Variants in CD3E observed in about 807,000 individuals in gnomAD.
The protein encoded by CD3E is T-cell surface glycoprotein CD3 epsilon chain.
In CD3E, 16 loss-of-function variants were observed where a neutral mutation model predicts 34.7. The ratio of observed to expected loss-of-function variants is 0.46; its 90% CI spans 0.31 to 0.70. The LOEUF (loss-of-function observed/expected upper bound fraction) is 0.70, where lower values mean the gene tolerates loss of function less well. CD3E is among the 30% of genes least tolerant of loss of function. CD3E has a pLI of 0.05. For missense variants in CD3E, 223 were observed against 253.9 expected (o/e 0.88, Z 0.83); for synonymous variants, 70 against 90.8 (o/e 0.77, Z 1.30).
intron 6 of CD3E, 37 bp downstream of exon 6, chr11:118,312,903 T>C (rs1372494395): frequency 1.9e-6 from 3 of 1,613,396 alleles, no homozygotes; most frequent in Non-Finnish European, 2.5e-6. Context: ...CACCGGCTCT[T>C]TAGGGAGGAC....
intron 4 of CD3E, among the ~76,000 whole-genome samples, chr11:118,309,648 G>C (rs1290256826): frequency 6.6e-6 from 1 of 152,218 alleles, no homozygotes; most frequent in Non-Finnish European, 1.5e-5. Flanking sequence ...GCTGACTATA[G>C]ATGATAAGCA....
rs1948139036 is a variant in CD3E, at chr11:118,312,166, G to C, written c.99G>C (p.Gln33His). Residue 33 changes from glutamine to histidine, a missense_variant, in exon 5 of 9, where the codon CAG becomes CAC. Physicochemically the swap from Gln to His is conservative, Grantham distance 24. Transcript: ENST00000361763. Reference sequence around the variant, plus strand: ...TTTCATTTTCAGGTGGTATTACACAGACACGTGAGTTTATTGGTCTTTTAT... The same window carrying C: ...TTTCATTTTCAGGTGGTATTACACACACACGTGAGTTTATTGGTCTTTTAT... The part of the protein sequence containing the change: ...DGNEEMGGIT[Q>H]TPYKVSISGT... The C allele has an allele frequency of 1.2e-6, 2 of 1,611,932 alleles. No homozygotes were observed. The highest frequency in any genetic ancestry group is 3.3e-5 in the Admixed American group (2 of 60,008).
chr11:118,314,308 G>T, intron 7 of CD3E, 140 bp from the exon 8 acceptor site: 1 of 725,888 alleles, frequency 1.4e-6, no homozygotes. Flanking sequence ...AAAAGAGAAA[G>T]GACGTCTGAA....
chr11:118,308,355 C>T, intron 3 of CD3E, 72 bp from the exon 4 acceptor site: 1 of 1,150,514 alleles, frequency 8.7e-7, no homozygotes, highest in Admixed American at 1.8e-5. Flanking sequence ...GAGTCCCAAC[C>T]CACGGGAGCA....
At chr11:118,311,972 A>G (rs745628148) in intron 4 of CD3E, among the ~76,000 whole-genome samples, 181 bp from the exon 5 acceptor site, 1 of 152,180 alleles carries the variant, frequency 6.6e-6, no homozygotes, top group Admixed American at 6.5e-5. Context: ...AAATATATCT[A>G]TGAGCTAAAT....
chr11:118,310,446 G>A (rs1948129719), intron 4 of CD3E, among the ~76,000 whole-genome samples: 1 of 152,212 alleles, frequency 6.6e-6, no homozygotes, highest in African/African-American at 2.4e-5. Context: ...TCCTGCAAAG[G>A]ACGTGATCTC....
chr11:118,315,653 C>A lies in CD3E; in HGVS notation c.*111C>A. The A allele has an allele frequency of 2.0e-6, 2 of 976,812 alleles. No homozygotes were observed. Among genetic ancestry groups the A allele is most frequent in the Admixed American group, 2.0e-5 (1 of 50,274 alleles). 60.5% of individuals were successfully genotyped at this position (976,812 alleles called of 1,614,324 possible). On this transcript the variant is annotated 3_prime_UTR_variant, in exon 9 of 9. Coordinates refer to ENST00000361763, the MANE Select transcript of CD3E (RefSeq NM_000733.4). Reference sequence around the variant, plus strand: ...CCCACGAGAGAGAATCGTTCCTCAGCCTCATGGTGAACTCGCGCCCTCCAG... The same window carrying A: ...CCCACGAGAGAGAATCGTTCCTCAGACTCATGGTGAACTCGCGCCCTCCAG...
intron 2 of CD3E, among the ~76,000 whole-genome samples, chr11:118,306,486 GATAAATAAATAAATAAATAAATAAATAA>G (rs141298357): frequency 6.9e-6 from 1 of 145,396 alleles, no homozygotes; most frequent in East Asian, 2.0e-4. Context: ...TCTCAAAATA[GATAAATAAATAAATAAATAAATAAATAA>G]ATAAATAAAT....
In CD3E at chr11:118,315,968, T is replaced by C. The variant is rs908233065; in HGVS notation, c.*426T>C. On this transcript the variant is annotated 3_prime_UTR_variant, in exon 9 of 9. Transcript: ENST00000361763. ...TCTCTGGGGATGGACTGGGTAAATG[T>C]TGACAGAGGCCCTGCCCCGTTCACA... The C allele has an allele frequency of 1.4e-5, 4 of 293,842 alleles. No homozygotes were observed. Among genetic ancestry groups the C allele is most frequent in the African/African-American group, 6.6e-5 (3 of 45,668 alleles). The allele number at this position is 293,842 out of a possible 1,614,324, so 18.2% of individuals were successfully genotyped here. A position where few individuals can be genotyped will look rare whatever the true frequency, so the allele number is the denominator to read the frequency against.
chr11:118,308,312 G>A, intron 3 of CD3E, 115 bp from the exon 4 acceptor site: 1 of 769,646 alleles, frequency 1.3e-6, no homozygotes, highest in Non-Finnish European at 2.3e-6. Context: ...TGAGGGAATT[G>A]GAAGATCCAT....
chr11:118,312,331 G>A, intron 5 of CD3E, 161 bp downstream of exon 5: 1 of 823,500 alleles, frequency 1.2e-6, no homozygotes, highest in Non-Finnish European at 2.1e-6. Context: ...GACTTCTGTG[G>A]GTTTTTCTTT....
intron 8 of CD3E, among the ~76,000 whole-genome samples, chr11:118,314,989 ACACACACACACG>A (rs1948158299): frequency 1.5e-5 from 2 of 129,358 alleles, no homozygotes; most frequent in Non-Finnish European, 3.5e-5. Context: ...ACACACACAC[ACACACACACACG>A]TGACCAGACA....
intron 5 of CD3E, 149 bp from the exon 6 acceptor site, chr11:118,312,469 C>A: frequency 1.1e-6 from 1 of 918,736 alleles, no homozygotes; most frequent in Non-Finnish European, 1.8e-6. Flanking sequence ...TCTTCCACAC[C>A]CTCTAGCCAG....
At position 118,315,579 on chromosome 11, in the gene CD3E, T is replaced by A. The variant is rs905152901; in HGVS notation, c.*37T>A. The A allele has an allele frequency of 6.6e-7, 1 of 1,524,360 alleles. No homozygotes were observed. Among genetic ancestry groups the A allele is most frequent in the African/African-American group, 1.4e-5 (1 of 72,984 alleles). The allele number at this position is 1,524,360 out of a possible 1,614,324, so 94.4% of individuals were successfully genotyped here. On this transcript the variant is annotated 3_prime_UTR_variant, in exon 9 of 9. Transcript: ENST00000361763. ...ACACTGCCTCCCGCTGGCCCAGGTC[T>A]CCTCTCCAGTCCCCCTGCGACTCCC... is the stretch of plus-strand genomic sequence containing the variant.
intron 4 of CD3E, among the ~76,000 whole-genome samples, chr11:118,310,282 T>C (rs1359593822): frequency 6.6e-6 from 1 of 152,154 alleles, no homozygotes; most frequent in Non-Finnish European, 1.5e-5. Context: ...CCTCCCACCC[T>C]CCACCTTCTG....
intron 6 of CD3E, 104 bp from the exon 7 acceptor site, chr11:118,313,603 G>C: frequency 9.4e-7 from 1 of 1,065,500 alleles, no homozygotes; most frequent in Admixed American, 1.8e-5. Flanking sequence ...GCAAGCGTGT[G>C]AGTAGTAAGG....
At chr11:118,314,162 G>T (rs1158732735) in intron 7 of CD3E, among the ~76,000 whole-genome samples, 1 of 152,188 alleles carries the variant, frequency 6.6e-6, no homozygotes, top group Non-Finnish European at 1.5e-5. Context: ...TGTGGGAAGA[G>T]AGACTTTGAT....
intron 4 of CD3E, among the ~76,000 whole-genome samples, chr11:118,311,255 T>A (rs1948134085): frequency 6.6e-6 from 1 of 152,202 alleles, no homozygotes; most frequent in Admixed American, 6.5e-5. Context: ...CTCTTCCAGC[T>A]GTTATGTCCA....
At chr11:118,315,127 G>C (rs963960963) in intron 8 of CD3E, among the ~76,000 whole-genome samples, 1 of 151,990 alleles carries the variant, frequency 6.6e-6, no homozygotes, top group Non-Finnish European at 1.5e-5. Flanking sequence ...TGCACTCCTA[G>C]TTGTTAAATA....
Sources: allele counts gnomAD v4.1 joint callset (sites outside exome capture counted in the v4.1 genomes callset), GRCh38; gene constraint gnomAD v4.1.1; transcripts MANE v1.5; gene names NCBI Gene and HGNC (gene_info 2026-07-23, HGNC 2026-07-21).